Variants in NELFA observed in about 807,000 individuals in gnomAD.
NELFA encodes the protein negative elongation factor complex member A, also known as negative elongation factor A.
In NELFA, 35 loss-of-function variants were observed where a neutral mutation model predicts 51.8. That is an observed-to-expected ratio of 0.68 (90% CI 0.52 to 0.90). The LOEUF (loss-of-function observed/expected upper bound fraction) is 0.90, where lower values mean the gene tolerates loss of function less well. Ranked by LOEUF, NELFA falls within the 40% of genes least tolerant of loss-of-function variation. The pLI is 0.00. For synonymous variants in NELFA, 417 were observed against 338.4 expected, an observed-to-expected ratio of 1.23 and a Z score of -2.55; for missense variants, 658 against 746.4, an observed-to-expected ratio of 0.88 and a Z score of 1.38.
In NELFA at chr4:1,983,238, C is replaced by T. The variant is rs1294742612; in HGVS notation, c.*81G>A. The T allele has an allele frequency of 4.5e-5, 66 of 1,455,688 alleles. 1 individual carries two copies. Among genetic ancestry groups the T allele is most frequent in the South Asian group, 3.9e-4 (29 of 74,584 alleles). 90.2% of individuals were successfully genotyped at this position (1,455,688 alleles called of 1,614,324 possible). On this transcript the variant is annotated 3_prime_UTR_variant, in exon 11 of 11. Coordinates refer to ENST00000382882, the MANE Select transcript of NELFA (RefSeq NM_005663.5). Reference sequence around the variant, plus strand: ...CGGGGGACCTCGGGGGCCAGGTGTCCGCCATCCGGTTACTTTAAGCTGGCA... The same window carrying T: ...CGGGGGACCTCGGGGGCCAGGTGTCTGCCATCCGGTTACTTTAAGCTGGCA...
rs367695747 is a variant in NELFA at position 1,985,769 on chromosome 4, G to T, written c.924+7C>A. On this transcript the variant is annotated splice_region_variant and intron_variant, in intron 7 of 10. Coordinates refer to ENST00000382882, the MANE Select transcript of NELFA (RefSeq NM_005663.5). ...TGCCAGACATGGGGTGCAGCCCCGA[G>T]CCCTACCTGCGTGGACACCAGGCCG... 4 of 1,612,058 alleles carry T rather than the reference G, an allele frequency of 2.5e-6. No homozygotes were observed. The East Asian group carries it at 8.9e-5, about 36-fold the overall frequency.
chr4:1,985,756 G>A lies in NELFA; in HGVS notation c.924+20C>T. 2 of 1,608,058 alleles carry A rather than the reference G, an allele frequency of 1.2e-6. No homozygotes were observed. Among genetic ancestry groups the A allele is most frequent in the Non-Finnish European group, 1.7e-6 (2 of 1,176,064 alleles). On this transcript the variant is annotated intron_variant, in intron 7 of 10. Transcript: ENST00000382882. ...GCACCCGCAGTGGTGCCAGACATGG[G>A]GTGCAGCCCCGAGCCCTACCTGCGT... is the stretch of plus-strand genomic sequence containing the variant.
rs113717027 is a variant in NELFA at position 1,993,578 on chromosome 4, C to CAAA, written c.211-1866_211-1864dup. On this transcript the variant is annotated intron_variant, in intron 1 of 10. Transcript: ENST00000382882. ...GGGCAACAAGAGCGAAACTCCATCT[C>CAAA]AAAAAAAAAAAAGAAAGAAAGAAAG... Among the ~76,000 whole-genome samples the CAAA allele has an allele frequency of 5.0e-3, 549 of 109,828 alleles. 3 individuals are homozygous for CAAA. Among genetic ancestry groups the CAAA allele is most frequent in the African/African-American group, 0.011 (327 of 29,552 alleles). 72.1% of individuals were successfully genotyped at this position (109,828 alleles called of 152,430 possible). A position where few individuals can be genotyped will look rare whatever the true frequency, so the allele number is the denominator to read the frequency against.
In NELFA at chr4:1,986,133, C is replaced by T; in HGVS notation, c.816G>A (p.Lys272=). 1 of 1,553,200 alleles carries T rather than the reference C, an allele frequency of 6.4e-7. No homozygotes were observed. The highest frequency in any genetic ancestry group is 1.4e-5 in the African/African-American group (1 of 73,242). ...LDMVGAGREA[K]RRRKTLDAEV... is the part of the protein sequence containing the mutation. Reference sequence around the variant, plus strand: ...CCCCACCGAGAGTCTTCCTTCTCCGCTTCGCCTCTCGGCCAGCGCCAACCA... The same window carrying T: ...CCCCACCGAGAGTCTTCCTTCTCCGTTTCGCCTCTCGGCCAGCGCCAACCA... Residue 272 remains lysine, a synonymous_variant, in exon 6 of 11, where the codon AAG becomes AAA. Transcript: ENST00000382882.
chr4:1,984,138 A>AG (rs1728006853), intron 8 of NELFA, 25 bp from the exon 9 acceptor site: 1 of 1,511,890 alleles, frequency 6.6e-7, no homozygotes. Flanking sequence ...GGGCCTGGTG[A>AG]GGGGGCTGGA....
Position 2,008,974 on chromosome 4 carries a change from C to G in NELFA, c.-15G>C. On this transcript the variant is annotated 5_prime_UTR_variant, in exon 1 of 11. Transcript: ENST00000382882. ...ATGGACGCCATCTTGGGGGAAAGCG[C>G]GCGCCGCTGCCCCGGCATCTTATGA... 1.3e-6 allele frequency: 2 copies of G among 1,551,416 alleles called. No homozygotes were observed. Among genetic ancestry groups the G allele is most frequent in the East Asian group, 2.4e-5 (1 of 41,062 alleles).
intron 1 of NELFA, chr4:2,007,256 T>G: frequency 3.8e-6 from 1 of 262,370 alleles, no homozygotes; most frequent in Non-Finnish European, 8.5e-6. Flanking sequence ...TAATTTGGCA[T>G]GATCCTATGA....
intron 2 of NELFA, 49 bp downstream of exon 2, chr4:1,991,495 A>T (rs1728266826): frequency 6.3e-7 from 1 of 1,582,260 alleles, no homozygotes; most frequent in East Asian, 2.2e-5. Flanking sequence ...ATTTTTCAAG[A>T]AAGATCCATT....
At chr4:1,998,293 G>A (rs1475764846) in intron 1 of NELFA, among the ~76,000 whole-genome samples, 1 of 152,008 alleles carries the variant, frequency 6.6e-6, no homozygotes, top group Non-Finnish European at 1.5e-5. Flanking sequence ...ACGGAGGATT[G>A]GATGGACGAG....
Position 1,991,934 on chromosome 4 carries a change from G to A in NELFA, c.211-219C>T, listed in dbSNP as rs567833073. 10 of 489,972 alleles carry A rather than the reference G, an allele frequency of 2.0e-5. No individual in the cohort carries two copies. The East Asian group carries it at 2.2e-4, about 11-fold the overall frequency. The allele number at this position is 489,972 out of a possible 1,614,324, so 30.4% of individuals were successfully genotyped here. ...AGCCTCTGCCAGGTTGCAAGGCCCC[G>A]GCATCCGGTGCCCTCCCAGCAGCCT... On this transcript the variant is annotated intron_variant, in intron 1 of 10. Transcript: ENST00000382882.
Position 1,983,520 on chromosome 4 carries a change from CT to C in NELFA, c.1403-18del. 6.2e-7 allele frequency: 1 copy of C among 1,613,108 alleles called. No homozygotes were observed. The highest frequency in any genetic ancestry group is 8.5e-7 in the Non-Finnish European group (1 of 1,179,388). ...ACGGGTTCTCTGCAGAGAGCAGGAGCTGCTGGGTGGGTGTCTGGGGGCACCC... is the reference window on the plus strand; with the variant it reads ...ACGGGTTCTCTGCAGAGAGCAGGAGCGCTGGGTGGGTGTCTGGGGGCACCC... On this transcript the variant is annotated intron_variant, in intron 10 of 10. Transcript: ENST00000382882.
In NELFA at chr4:2,005,059, C is replaced by A. The variant is rs959012938; in HGVS notation, c.210+3691G>T. 5.5e-5 allele frequency among the ~76,000 whole-genome samples: 8 copies of A among 144,842 alleles called. 1 individual carries two copies. Among genetic ancestry groups the A allele is most frequent in the African/African-American group, 2.1e-4 (8 of 38,886 alleles). ...TCCTGGCCTCGTGATCCGCCCGCCT[C>A]GGCCTCCCAAAGTGCTGGGATTACA... On this transcript the variant is annotated intron_variant, in intron 1 of 10. Coordinates refer to ENST00000382882, the MANE Select transcript of NELFA (RefSeq NM_005663.5).
intron 1 of NELFA, chr4:2,007,115 T>C: frequency 2.3e-6 from 1 of 427,340 alleles, no homozygotes; most frequent in South Asian, 1.6e-5. Context: ...GAGGCTGAGA[T>C]GGGAAGATCT....
chr4:1,994,903 G>A (rs1202974203), intron 1 of NELFA, among the ~76,000 whole-genome samples: 2 of 152,110 alleles, frequency 1.3e-5, no homozygotes, highest in Admixed American at 6.5e-5. Context: ...CCAGTGAACT[G>A]GTTGTAGAAT....
chr4:2,001,102 G>A (rs940725750), intron 1 of NELFA, among the ~76,000 whole-genome samples: 1 of 152,194 alleles, frequency 6.6e-6, no homozygotes, highest in Admixed American at 6.5e-5. Flanking sequence ...ATCCCTGCAT[G>A]TTAAAAACTC....
chr4:1,984,020 T>C lies in NELFA; in HGVS notation c.1130A>G (p.Tyr377Cys). 6.2e-7 allele frequency: 1 copy of C among 1,608,096 alleles called. No individual in the cohort carries two copies. Among genetic ancestry groups the C allele is most frequent in the Non-Finnish European group, 8.5e-7 (1 of 1,179,470 alleles). The stretch of plus-strand genomic sequence containing the variant: ...TGTGGCAGGGCTCAGGCCGCTGTTG[T>C]ACATGGGCGCCCGCTGCTTGAACTG... ...PAQFKQRAPMYNSGLSPATPT... is the reference protein window; with the variant it reads ...PAQFKQRAPMCNSGLSPATPT... The change falls in exon 9 of 11, where the codon TAC becomes TGC. Residue 377 changes from tyrosine to cysteine, a missense_variant. Physicochemically the swap from Tyr to Cys is radical, Grantham distance 194. Around this residue, in one of 3 missense-constraint regions of NELFA, gnomAD observed 200 missense variants for 167.9 expected, o/e 1.19. Transcript: ENST00000382882.
rs1479448356 is a variant in NELFA, at chr4:1,986,103, C to G, written c.835+11G>C. 6.5e-7 allele frequency: 1 copy of G among 1,550,356 alleles called. No homozygotes were observed. The highest frequency in any genetic ancestry group is 8.7e-7 in the Non-Finnish European group (1 of 1,146,842). On this transcript the variant is annotated intron_variant, in intron 6 of 10. Transcript: ENST00000382882. ...CCCCATTGCCGCCGACACGCAGGCC[C>G]CAACCCCCACCGAGAGTCTTCCTTC...
intron 1 of NELFA, among the ~76,000 whole-genome samples, chr4:2,000,590 G>A (rs1728546465): frequency 6.6e-6 from 1 of 152,128 alleles, no homozygotes; most frequent in South Asian, 2.1e-4. Flanking sequence ...ACCCTCCCAA[G>A]ACTAAACCAG....
chr4:2,005,110 TA>T (rs1439561938), intron 1 of NELFA, among the ~76,000 whole-genome samples: 1 of 151,216 alleles, frequency 6.6e-6, no homozygotes, highest in Non-Finnish European at 1.5e-5. Context: ...ACCCAGCCAA[TA>T]AAGCTATTTT....
Sources: allele counts gnomAD v4.1 joint callset (sites outside exome capture counted in the v4.1 genomes callset), GRCh38; gene constraint gnomAD v4.1.1; regional missense constraint gnomAD v4.1.1; transcripts MANE v1.5; gene names NCBI Gene and HGNC (gene_info 2026-07-23, HGNC 2026-07-21).